TLN2: variants seen among roughly 807,000 people sequenced by gnomAD.
The protein encoded by TLN2 is talin-2.
A neutral mutation model predicts 294.7 loss-of-function variants in TLN2; 118 were observed. The observed-to-expected ratio is 0.40, with a 90% CI of 0.34 to 0.47. The LOEUF (loss-of-function observed/expected upper bound fraction) is 0.47, where lower values mean the gene tolerates loss of function less well. Among genes scored for constraint, TLN2 ranks in the 20% least tolerant of loss-of-function variants. TLN2 has a pLI of 0.84. For synonymous variants in TLN2, 1,431 were observed against 1,304.5 expected (o/e 1.10, Z -2.09); for missense variants, 3,083 against 3,282.2 (o/e 0.94, Z 1.48).
At chr15:62,729,254 A>T (rs763907947) in intron 28 of TLN2, among the ~76,000 whole-genome samples, 1 of 152,232 alleles carries the variant, frequency 6.6e-6, no homozygotes, top group Non-Finnish European at 1.5e-5. Flanking sequence ...TTTTATACTA[A>T]GTCTTAATGT....
intron 1 of TLN2, among the ~76,000 whole-genome samples, chr15:62,459,559 A>G (rs896711256): frequency 6.6e-6 from 1 of 152,106 alleles, no homozygotes; most frequent in Non-Finnish European, 1.5e-5. Context: ...TGAGTGTGTG[A>G]ATGAACATGT....
chr15:62,843,149 A>G lies in TLN2; in HGVS notation c.*2539A>G, dbSNP rs2070873046. The G allele has an allele frequency of 1.3e-5, 2 of 152,304 alleles. No individual in the cohort carries two copies. Among genetic ancestry groups the G allele is most frequent in the South Asian group, 2.1e-4 (1 of 4,816 alleles). The allele number at this position is 152,304 out of a possible 1,614,324, so 9.4% of individuals were successfully genotyped here. Reference sequence around the variant, plus strand: ...GTAAAAACGGCCCCAGGTCTGGAGCATAGAAGTGTATCTCTGTGAAGAGAG... The same window carrying G: ...GTAAAAACGGCCCCAGGTCTGGAGCGTAGAAGTGTATCTCTGTGAAGAGAG... On this transcript the variant is annotated 3_prime_UTR_variant, in exon 59 of 59. Transcript: ENST00000636159.
At chr15:62,687,050 C>A (rs1338634728) in intron 12 of TLN2, among the ~76,000 whole-genome samples, 1 of 152,190 alleles carries the variant, frequency 6.6e-6, no homozygotes, top group Non-Finnish European at 1.5e-5. Flanking sequence ...AGTTCATTAT[C>A]TAGAAAAAGC....
chr15:62,787,705 T>G (rs1278175324), intron 45 of TLN2, among the ~76,000 whole-genome samples: 1 of 145,610 alleles, frequency 6.9e-6, no homozygotes, highest in Non-Finnish European at 1.5e-5. Context: ...TTTTTTTTTT[T>G]TTTTTTTTTT....
intron 1 of TLN2, among the ~76,000 whole-genome samples, chr15:62,409,533 G>A (rs1376207741): frequency 4.6e-5 from 7 of 152,206 alleles, no homozygotes; most frequent in African/African-American, 1.7e-4. Flanking sequence ...AAAAGCTCAT[G>A]CAATTCATTT....
At chr15:62,718,358 C>T (rs2059915720) in intron 24 of TLN2, among the ~76,000 whole-genome samples, 1 of 152,218 alleles carries the variant, frequency 6.6e-6, no homozygotes, top group African/African-American at 2.4e-5. Context: ...CTGGCATGTC[C>T]TGGAAGTATT....
At position 62,694,304 on chromosome 15, in the gene TLN2, T is replaced by C; in HGVS notation, c.1216-12T>C. ...GTTTTCATTTTTGCATCTTGTTTTA[T>C]TGCATTTCCAGAAACAAAGTAAAGA... is the stretch of plus-strand genomic sequence containing the variant. On this transcript the variant is annotated splice_polypyrimidine_tract_variant and intron_variant, in intron 13 of 58. Coordinates refer to ENST00000636159, the MANE Select transcript of TLN2 (RefSeq NM_015059.3). The C allele has an allele frequency of 1.2e-6, 2 of 1,613,896 alleles. No homozygotes were observed. Among genetic ancestry groups the C allele is most frequent in the South Asian group, 2.2e-5 (2 of 91,080 alleles).
intron 9 of TLN2, among the ~76,000 whole-genome samples, chr15:62,659,220 T>C (rs997747831): frequency 6.6e-6 from 1 of 152,158 alleles, no homozygotes; most frequent in Non-Finnish European, 1.5e-5. Context: ...TTGATAGATA[T>C]GGAAGAAGCA....
intron 1 of TLN2, among the ~76,000 whole-genome samples, chr15:62,546,170 C>T (rs2041983210): frequency 6.6e-6 from 1 of 152,130 alleles, no homozygotes; most frequent in African/African-American, 2.4e-5. Flanking sequence ...TGATTTCTGT[C>T]TTCACTACCT....
chr15:62,789,729 C>T (rs962553769), intron 45 of TLN2, among the ~76,000 whole-genome samples: 1 of 152,188 alleles, frequency 6.6e-6, no homozygotes, highest in South Asian at 2.1e-4. Flanking sequence ...TGCACGGGAG[C>T]AGGAGGAGTG....
intron 1 of TLN2, among the ~76,000 whole-genome samples, chr15:62,447,245 A>C (rs921995645): frequency 1.3e-5 from 2 of 152,196 alleles, no homozygotes; most frequent in African/African-American, 4.8e-5. Context: ...ATTAGTGCTA[A>C]GTGTGTTAGG....
intron 58 of TLN2, among the ~76,000 whole-genome samples, chr15:62,840,001 G>GAAAT (rs1451814688): frequency 5.3e-5 from 8 of 152,166 alleles, no homozygotes; most frequent in African/African-American, 1.9e-4. Flanking sequence ...TTGAAAGCGT[G>GAAAT]AAATAAGCAT....
intron 1 of TLN2, among the ~76,000 whole-genome samples, chr15:62,560,335 G>C (rs538350656): frequency 2.6e-5 from 4 of 152,228 alleles, no homozygotes; most frequent in African/African-American, 9.6e-5. Flanking sequence ...CCACCTCCCG[G>C]GTTCAAGTGA....
Position 62,781,136 on chromosome 15 carries a change from G to C in TLN2, c.5515-4G>C. ...CCTTTGGATTCTTTTCCTCTCCTCT[G>C]TAGCTGGATGAAGGCACTCCTCCAG... On this transcript the variant is annotated splice_polypyrimidine_tract_variant and splice_region_variant and intron_variant, in intron 43 of 58. Transcript: ENST00000636159. 6.2e-7 allele frequency: 1 copy of C among 1,612,628 alleles called. No homozygotes were observed. The highest frequency in any genetic ancestry group is 1.3e-5 in the African/African-American group (1 of 74,974).
At chr15:62,528,374 C>T (rs1179112213) in intron 1 of TLN2, among the ~76,000 whole-genome samples, 1 of 146,506 alleles carries the variant, frequency 6.8e-6, no homozygotes, top group African/African-American at 2.6e-5. Context: ...TGAATTTAAG[C>T]ATACAAGGAG....
intron 1 of TLN2, among the ~76,000 whole-genome samples, chr15:62,393,964 C>G (rs1003591380): frequency 2.0e-5 from 3 of 151,506 alleles, no homozygotes; most frequent in African/African-American, 7.3e-5. Flanking sequence ...TTAGTAGAGA[C>G]AGGGTTTCAC....
chr15:62,696,823 T>C (rs1034700251), intron 14 of TLN2, among the ~76,000 whole-genome samples: 1 of 152,218 alleles, frequency 6.6e-6, no homozygotes, highest in Non-Finnish European at 1.5e-5. Flanking sequence ...GTTGAGGCTC[T>C]AGAGGCGATG....
rs2064398845 is a variant in TLN2, at chr15:62,783,767, C to G, written c.5617-4C>G. The G allele has an allele frequency of 6.3e-7, 1 of 1,591,986 alleles. No homozygotes were observed. Among genetic ancestry groups the G allele is most frequent in the South Asian group, 1.1e-5 (1 of 89,862 alleles). ...TGTGTGTCTTGCTTGTTTTCTTTTT[C>G]CAGATGACTAAGTCGGTTACTAACC... is the stretch of plus-strand genomic sequence containing the variant. On this transcript the variant is annotated splice_polypyrimidine_tract_variant and splice_region_variant and intron_variant, in intron 44 of 58. Coordinates refer to ENST00000636159, the MANE Select transcript of TLN2 (RefSeq NM_015059.3).
chr15:62,770,924 TACATGATACATCTC>T, intron 41 of TLN2, 26 bp from the exon 42 acceptor site: 1 of 1,582,092 alleles, frequency 6.3e-7, no homozygotes, highest in Non-Finnish European at 8.5e-7. Flanking sequence ...CACGTGTATT[TACATGATACATCTC>T]TGGCTTTTTT....
Sources: allele counts gnomAD v4.1 joint callset (sites outside exome capture counted in the v4.1 genomes callset), GRCh38; gene constraint gnomAD v4.1.1; transcripts MANE v1.5; gene names NCBI Gene and HGNC (gene_info 2026-07-23, HGNC 2026-07-21).